EFCAB6: variants seen among roughly 807,000 people sequenced by gnomAD.
EFCAB6 encodes EF-hand calcium-binding domain-containing protein 6.
In EFCAB6, 156 loss-of-function variants were observed where a neutral mutation model predicts 169.8. That is an observed-to-expected ratio of 0.92 (90% CI 0.81 to 1.05). The LOEUF (loss-of-function observed/expected upper bound fraction) is 1.05. Among genes scored for constraint, EFCAB6 ranks in the 50% least tolerant of loss-of-function variants. The probability of loss-of-function intolerance (pLI) is 0.00; values close to 1 mark genes in which losing one functional copy is unlikely to be tolerated. For missense variants in EFCAB6, 1,800 were observed against 1,829.1 expected, an observed-to-expected ratio of 0.98 and a Z score of 0.29; for synonymous variants, 698 against 676.4, an observed-to-expected ratio of 1.03 and a Z score of -0.50.
rs151323317 is a variant in EFCAB6 at position 43,651,252 on chromosome 22, G to A, written c.1983+15852C>T. On this transcript the variant is annotated intron_variant, in intron 17 of 31. Coordinates refer to ENST00000262726, the MANE Select transcript of EFCAB6 (RefSeq NM_022785.4). The stretch of plus-strand genomic sequence containing the variant: ...TGAGCTGTGTGCAGACTAGGGACTT[G>A]GTGCCCTGCATCCCAGCAGCTCCAG... Among the ~76,000 whole-genome samples, 621 of 152,312 alleles carry A rather than the reference G, an allele frequency of 4.1e-3. 3 individuals carry two copies. Among genetic ancestry groups the A allele is most frequent in the Middle Eastern group, 0.014 (4 of 294 alleles).
chr22:43,761,661 A>T (rs2061165103), intron 5 of EFCAB6, among the ~76,000 whole-genome samples: 1 of 152,194 alleles, frequency 6.6e-6, no homozygotes, highest in Non-Finnish European at 1.5e-5. Flanking sequence ...AAGTGTTTGG[A>T]GACCTGATTC....
At position 43,797,543 on chromosome 22, in the gene EFCAB6, G is replaced by C. The variant is rs956293696; in HGVS notation, c.-8+11452C>G. ...ACACTAAATTGTAGGATTCTCAGGG[G>C]GAGAGATTTTATGTGACCACTGTAC... On this transcript the variant is annotated intron_variant, in intron 2 of 31. Transcript: ENST00000262726. Among the ~76,000 whole-genome samples the C allele has an allele frequency of 3.3e-5, 5 of 152,002 alleles. No homozygotes were observed. The East Asian group carries it at 9.7e-4, about 29-fold the overall frequency.
At chr22:43,581,321 C>T (rs2050709267) in intron 24 of EFCAB6, among the ~76,000 whole-genome samples, 1 of 152,146 alleles carries the variant, frequency 6.6e-6, no homozygotes. Flanking sequence ...AGTTGTCAAG[C>T]TGAAAGCACT....
chr22:43,687,447 G>GGT, intron 11 of EFCAB6, 24 bp downstream of exon 11: 3 of 833,486 alleles, frequency 3.6e-6, no homozygotes, highest in Non-Finnish European at 5.2e-6. Flanking sequence ...ACTAAAATTT[G>GGT]TTTTTTTTTT....
intron 22 of EFCAB6, among the ~76,000 whole-genome samples, chr22:43,600,961 C>T (rs932620285): frequency 6.6e-6 from 1 of 152,182 alleles, no homozygotes; most frequent in Non-Finnish European, 1.5e-5. Context: ...CCACACCTCG[C>T]CCGTTCGGCA....
chr22:43,642,839 C>G (rs1403848987), intron 17 of EFCAB6, among the ~76,000 whole-genome samples: 1 of 152,202 alleles, frequency 6.6e-6, no homozygotes, highest in Non-Finnish European at 1.5e-5. Flanking sequence ...CTGTTGCCAG[C>G]TGTGAGTGCA....
intron 22 of EFCAB6, among the ~76,000 whole-genome samples, chr22:43,607,677 C>T (rs1365436160): frequency 6.6e-6 from 1 of 152,190 alleles, no homozygotes; most frequent in Non-Finnish European, 1.5e-5. Context: ...CAGCCTTCCA[C>T]TTTGAACAGA....
In EFCAB6 at chr22:43,618,115, CA is replaced by C. The variant is rs544481240; in HGVS notation, c.2466-2194del. ...AGACTCCATCTCAAAAAAAAAATCT[CA>C]AAAAAAAAAAAGAAAGAGACAGAGA... is the stretch of plus-strand genomic sequence containing the variant. On this transcript the variant is annotated intron_variant, in intron 20 of 31. Coordinates refer to ENST00000262726, the MANE Select transcript of EFCAB6 (RefSeq NM_022785.4). Among the ~76,000 whole-genome samples, 114 of 50,826 alleles carry C rather than the reference CA, an allele frequency of 2.2e-3. 1 individual carries two copies. The highest frequency in any genetic ancestry group is 5.5e-3 in the East Asian group (10 of 1,814). The allele number at this position is 50,826 out of a possible 152,430, so 33.3% of individuals were successfully genotyped here.
chr22:43,682,810 A>T (rs1236728122), intron 12 of EFCAB6, among the ~76,000 whole-genome samples: 1 of 152,244 alleles, frequency 6.6e-6, no homozygotes, highest in East Asian at 1.9e-4. Flanking sequence ...ATTATTGTTC[A>T]TTCAGAGAGA....
intron 6 of EFCAB6, among the ~76,000 whole-genome samples, chr22:43,738,929 C>T (rs1439814898): frequency 2.6e-5 from 4 of 152,178 alleles, no homozygotes; most frequent in African/African-American, 9.7e-5. Context: ...CTACCTATGG[C>T]CAGGTGGGGC....
rs141145687 is a variant in EFCAB6 at position 43,807,532 on chromosome 22, C to T, written c.-8+1463G>A. ...AAGTATTGATGTCCAGTTTTAAACA[C>T]GTGCTATTTATATCAGAATCATAAC... is the stretch of plus-strand genomic sequence containing the variant. On this transcript the variant is annotated intron_variant, in intron 2 of 31. Transcript: ENST00000262726. Among the ~76,000 whole-genome samples, 365 of 152,300 alleles carry T rather than the reference C, an allele frequency of 2.4e-3. 1 individual carries two copies. Among genetic ancestry groups the T allele is most frequent in the African/African-American group, 5.8e-3 (243 of 41,556 alleles).
intron 17 of EFCAB6, among the ~76,000 whole-genome samples, chr22:43,646,228 TC>T (rs2056148357): frequency 6.6e-6 from 1 of 152,278 alleles, no homozygotes; most frequent in Admixed American, 6.5e-5. Flanking sequence ...AGCAGCCACT[TC>T]CCCTGCAGAA....
chr22:43,693,853 C>T (rs938634678), intron 10 of EFCAB6, among the ~76,000 whole-genome samples: 52 of 151,962 alleles, frequency 3.4e-4, no homozygotes, highest in African/African-American at 1.1e-3. Flanking sequence ...TGGATCAACA[C>T]ACAGGATTTT....
intron 6 of EFCAB6, among the ~76,000 whole-genome samples, chr22:43,737,507 TCA>T (rs1472011891): frequency 1.0e-4 from 14 of 135,574 alleles, no homozygotes; most frequent in South Asian, 4.8e-4. Context: ...ACCCATATAT[TCA>T]CAGATACATG....
chr22:43,675,033 G>A (rs191284851), intron 13 of EFCAB6, among the ~76,000 whole-genome samples: 1 of 151,992 alleles, frequency 6.6e-6, no homozygotes, highest in Non-Finnish European at 1.5e-5. Context: ...TACTACCTAT[G>A]CAGGACGGGT....
intron 23 of EFCAB6, among the ~76,000 whole-genome samples, chr22:43,592,740 G>A (rs1316050402): frequency 2.0e-5 from 3 of 152,074 alleles, no homozygotes; most frequent in African/African-American, 4.8e-5. Context: ...TCACACACAC[G>A]GCCTCCCCAC....
At chr22:43,556,459 G>T (rs1403821822) in intron 26 of EFCAB6, among the ~76,000 whole-genome samples, 1 of 152,158 alleles carries the variant, frequency 6.6e-6, no homozygotes, top group Non-Finnish European at 1.5e-5. Flanking sequence ...GAGATATACT[G>T]GGTTTCCCCA....
At chr22:43,588,278 C>T (rs1396634482) in intron 24 of EFCAB6, among the ~76,000 whole-genome samples, 4 of 151,992 alleles carry the variant, frequency 2.6e-5, no homozygotes, top group Admixed American at 6.6e-5. Context: ...AGAAAATATC[C>T]AACATGAGTA....
intron 31 of EFCAB6, chr22:43,530,514 C>G: frequency 1.0e-6 from 1 of 985,136 alleles, no homozygotes; most frequent in Non-Finnish European, 1.2e-6. Context: ...GCAGCAGCAG[C>G]AGTGATGGCA....
Sources: gnomAD v4.1 joint callset for allele counts (sites outside exome capture counted in the v4.1 genomes callset) on GRCh38, gnomAD v4.1.1 for gene constraint, MANE v1.5 for transcripts, NCBI Gene and HGNC (gene_info 2026-07-23, HGNC 2026-07-21) for gene names.